The following ZBTB20 variants were observed in gnomAD, a reference collection of about 807,000 sequenced individuals.
ZBTB20 encodes the protein zinc finger and BTB domain-containing protein 20.
ZBTB20 carries 9 observed loss-of-function variants against 56.9 expected under a neutral mutation model. The ratio of observed to expected loss-of-function variants is 0.16; its 90% CI spans 0.10 to 0.28. ZBTB20 has a LOEUF of 0.28. Ranked by LOEUF, ZBTB20 falls within the 10% of genes least tolerant of loss-of-function variation. ZBTB20 has a pLI of 1.00. For missense variants in ZBTB20, 655 were observed against 1,003.0 expected, an observed-to-expected ratio of 0.65 and a Z score of 4.69; for synonymous variants, 417 against 420.7, an observed-to-expected ratio of 0.99 and a Z score of 0.11.
chr3:115,095,072 A>T (rs187275085), intron 1 of ZBTB20, among the ~76,000 whole-genome samples: 1 of 152,224 alleles, frequency 6.6e-6, no homozygotes, highest in East Asian at 1.9e-4. Flanking sequence ...ATCATATCTC[A>T]AGACACAGAA....
At chr3:115,015,267 T>C (rs2079900627) in intron 2 of ZBTB20, among the ~76,000 whole-genome samples, 1 of 151,884 alleles carries the variant, frequency 6.6e-6, no homozygotes. Flanking sequence ...GTTTCATTCC[T>C]ATAAGATACA....
At chr3:115,027,617 C>A (rs2080478667) in intron 2 of ZBTB20, 1 of 150,878 alleles carries the variant, frequency 6.6e-6, no homozygotes, top group Admixed American at 6.6e-5. Flanking sequence ...ACAAAATATT[C>A]TGTAAATAAT....
chr3:114,683,813 A>G (rs904288719), intron 6 of ZBTB20, among the ~76,000 whole-genome samples: 4 of 152,034 alleles, frequency 2.6e-5, no homozygotes, highest in African/African-American at 9.7e-5. Context: ...GTTAGCAGAG[A>G]ACGGCTTCAG....
At chr3:114,860,941 G>A (rs1453495853) in intron 4 of ZBTB20, among the ~76,000 whole-genome samples, 1 of 152,182 alleles carries the variant, frequency 6.6e-6, no homozygotes, top group Non-Finnish European at 1.5e-5. Flanking sequence ...AACCCTACAG[G>A]TTGTATAAGG....
chr3:114,663,145 C>T (rs1174064289), intron 6 of ZBTB20, among the ~76,000 whole-genome samples: 5 of 146,908 alleles, frequency 3.4e-5, no homozygotes, highest in African/African-American at 1.0e-4. Flanking sequence ...AGAGAAAGGT[C>T]GGGTTACCCT....
chr3:114,800,237 C>G (rs1405224147), intron 5 of ZBTB20, among the ~76,000 whole-genome samples: 1 of 151,856 alleles, frequency 6.6e-6, no homozygotes, highest in Non-Finnish European at 1.5e-5. Context: ...TATTTCACAA[C>G]CTTTGAGTGC....
chr3:115,002,715 C>T (rs887026273), intron 2 of ZBTB20, among the ~76,000 whole-genome samples: 4 of 151,574 alleles, frequency 2.6e-5, no homozygotes, highest in African/African-American at 9.7e-5. Flanking sequence ...TGGAGAAATA[C>T]AAACTCTCAC....
At chr3:114,906,777 T>C (rs899673064) in intron 3 of ZBTB20, among the ~76,000 whole-genome samples, 15 of 151,636 alleles carry the variant, frequency 9.9e-5, no homozygotes, top group African/African-American at 3.1e-4. Context: ...TAGGAAAACA[T>C]AGATGAAATA....
chr3:114,505,946 C>G (rs868324623), intron 6 of ZBTB20, among the ~76,000 whole-genome samples: 25 of 151,982 alleles, frequency 1.6e-4, no homozygotes, highest in South Asian at 8.3e-4. Context: ...TTTTAATTCT[C>G]TATTTTCTAT....
At chr3:114,580,729 G>T (rs921934562) in intron 6 of ZBTB20, among the ~76,000 whole-genome samples, 4 of 151,752 alleles carry the variant, frequency 2.6e-5, no homozygotes, top group Non-Finnish European at 4.4e-5. Context: ...TAAGTTATAT[G>T]AGGAACAATT....
chr3:114,744,086 T>C (rs2066847716), intron 5 of ZBTB20, among the ~76,000 whole-genome samples: 2 of 152,178 alleles, frequency 1.3e-5, no homozygotes, highest in South Asian at 4.1e-4. Flanking sequence ...CTTTCATCTA[T>C]AATCACAATG....
At chr3:115,103,808 A>C (rs1476144529) in intron 1 of ZBTB20, among the ~76,000 whole-genome samples, 1 of 152,228 alleles carries the variant, frequency 6.6e-6, no homozygotes, top group Non-Finnish European at 1.5e-5. Context: ...TTTAGATACA[A>C]CACCAAAGAC....
At chr3:114,971,085 A>C (rs2077862667) in intron 3 of ZBTB20, among the ~76,000 whole-genome samples, 1 of 152,144 alleles carries the variant, frequency 6.6e-6, no homozygotes, top group South Asian at 2.1e-4. Context: ...TGGTACAATT[A>C]TGAGTATCAA....
At chr3:114,413,029 G>A (rs1239247902) in intron 7 of ZBTB20, among the ~76,000 whole-genome samples, 1 of 152,084 alleles carries the variant, frequency 6.6e-6, no homozygotes, top group Non-Finnish European at 1.5e-5. Context: ...AGGAAGGGGA[G>A]AGTTAAATTA....
intron 6 of ZBTB20, among the ~76,000 whole-genome samples, chr3:114,513,647 A>G (rs922411474): frequency 6.6e-6 from 1 of 152,158 alleles, no homozygotes; most frequent in Non-Finnish European, 1.5e-5. Context: ...AATATTTTTT[A>G]TGGAACAAAT....
chr3:115,052,132 G>C (rs1353988377), intron 2 of ZBTB20, among the ~76,000 whole-genome samples: 2 of 152,026 alleles, frequency 1.3e-5, no homozygotes, highest in Non-Finnish European at 2.9e-5. Flanking sequence ...TGAGACTTTA[G>C]CCACAATTTA....
intron 6 of ZBTB20, among the ~76,000 whole-genome samples, chr3:114,664,433 G>A (rs920053349): frequency 6.6e-6 from 1 of 152,112 alleles, no homozygotes; most frequent in East Asian, 1.9e-4. Flanking sequence ...AGAAACAAAA[G>A]TAGTACTGTA....
At chr3:115,100,887 A>C (rs2083561111) in intron 1 of ZBTB20, among the ~76,000 whole-genome samples, 1 of 152,226 alleles carries the variant, frequency 6.6e-6, no homozygotes, top group South Asian at 2.1e-4. Context: ...TAAGAAACAG[A>C]CTCCATACAA....
chr3:114,791,941 T>A (rs2070987342), intron 5 of ZBTB20: 1 of 152,226 alleles, frequency 6.6e-6, no homozygotes, highest in South Asian at 2.1e-4. Flanking sequence ...GCTTCCTCCC[T>A]TTTCCAGTTG....
Sources: allele counts gnomAD v4.1 joint callset (sites outside exome capture counted in the v4.1 genomes callset), GRCh38; gene constraint gnomAD v4.1.1; transcripts MANE v1.5; gene names NCBI Gene and HGNC (gene_info 2026-07-23, HGNC 2026-07-21).